The following YWHAZ variants were observed in gnomAD, a reference collection of about 807,000 sequenced individuals.
YWHAZ encodes the protein tyrosine 3-monooxygenase/tryptophan 5-monooxygenase activation protein zeta.
For synonymous variants in YWHAZ, 87 were observed against 103.6 expected (o/e 0.84, Z 0.97); for missense variants, 79 against 284.8 (o/e 0.28, Z 5.20).
At chr8:100,935,690 G>C (rs1814098104) in intron 2 of YWHAZ, among the ~76,000 whole-genome samples, 1 of 151,586 alleles carries the variant, frequency 6.6e-6, no homozygotes, top group South Asian at 2.1e-4. Context: ...AGAACTGGAA[G>C]AGAGTGTGAG....
At position 100,926,727 on chromosome 8, in the gene YWHAZ, C is replaced by T. The variant is rs1813391877; in HGVS notation, c.295-1688G>A. On this transcript the variant is annotated intron_variant, in intron 2 of 5. Transcript: ENST00000395958. ...CATTCATACTTTCATATTCAAAGTT[C>T]TCTTAGCTGCAAAAGTGTTTTGTCC... Among the ~76,000 whole-genome samples the T allele has an allele frequency of 2.0e-5, 3 of 152,234 alleles. No individual in the cohort carries two copies. In the South Asian group the frequency reaches 6.2e-4, roughly 32 times the overall value.
rs1445644898 is a variant in YWHAZ, at chr8:100,922,834, C to CA, written c.678+1120dup. On this transcript the variant is annotated intron_variant, in intron 5 of 5. Coordinates refer to ENST00000395958, the MANE Select transcript of YWHAZ (RefSeq NM_145690.3). The surrounding 1 kb of genome is among the most constrained non-coding windows in gnomAD (Gnocchi z 4.1). ...CAGGTCATCACTTTAAAAATGTCATCACTTCAAACTAGAAAAGAAAAATCC... is the reference window on the plus strand; with the variant it reads ...CAGGTCATCACTTTAAAAATGTCATCAACTTCAAACTAGAAAAGAAAAATCC... 2 of 152,174 alleles carry CA rather than the reference C, an allele frequency of 1.3e-5. No individual in the cohort carries two copies. Among genetic ancestry groups the CA allele is most frequent in the Non-Finnish European group, 2.9e-5 (2 of 68,032 alleles). 9.4% of individuals were successfully genotyped at this position (152,174 alleles called of 1,614,324 possible). A position where few individuals can be genotyped will look rare whatever the true frequency, so the allele number is the denominator to read the frequency against.
chr8:100,950,496 C>G (rs55685528), intron 1 of YWHAZ: 5 of 985,446 alleles, frequency 5.1e-6, no homozygotes, highest in African/African-American at 1.7e-5. Context: ...GCAACCACCC[C>G]CCTCCAGGCT....
chr8:100,918,408 TTATATA>T lies in YWHAZ; in HGVS notation c.*2279_*2284del, dbSNP rs71572094. 1,370 of 41,872 alleles carry T rather than the reference TTATATA, an allele frequency of 0.033. 99 individuals carry two copies. Among genetic ancestry groups the T allele is most frequent in the East Asian group, 0.047 (32 of 688 alleles). The allele number at this position is 41,872 out of a possible 1,614,324, so 2.6% of individuals were successfully genotyped here. Reference sequence around the variant, plus strand: ...AGTCTAGCTATAAAATATAATTACTTTATATATATATATATATATATATATATATAT... The same window carrying T: ...AGTCTAGCTATAAAATATAATTACTTTATATATATATATATATATATATAT... On this transcript the variant is annotated 3_prime_UTR_variant, in exon 6 of 6. Coordinates refer to ENST00000395958, the MANE Select transcript of YWHAZ (RefSeq NM_145690.3).
intron 1 of YWHAZ, among the ~76,000 whole-genome samples, chr8:100,950,128 G>A (rs1432804604): frequency 6.6e-6 from 1 of 152,120 alleles, no homozygotes; most frequent in African/African-American, 2.4e-5. Flanking sequence ...AACCACTTTG[G>A]ATGCAAGGTA....
intron 2 of YWHAZ, among the ~76,000 whole-genome samples, chr8:100,937,605 T>C (rs1313109446): frequency 6.6e-6 from 1 of 152,156 alleles, no homozygotes; most frequent in African/African-American, 2.4e-5. Flanking sequence ...TCACCAAATA[T>C]GTGAGTGGGA....
At chr8:100,934,245 ATCACTTGAGC>A (rs1813968829) in intron 2 of YWHAZ, among the ~76,000 whole-genome samples, 2 of 147,388 alleles carry the variant, frequency 1.4e-5, no homozygotes, top group South Asian at 4.4e-4. Flanking sequence ...AGATGGGAGG[ATCACTTGAGC>A]ACAGGATGTC....
intron 2 of YWHAZ, among the ~76,000 whole-genome samples, chr8:100,945,027 T>C (rs755174473): frequency 8.5e-5 from 13 of 152,218 alleles, no homozygotes; most frequent in Admixed American, 6.5e-5. Flanking sequence ...TTGGCTGCCA[T>C]CTTTCAGGTT....
chr8:100,929,193 A>G (rs1255529017), intron 2 of YWHAZ, among the ~76,000 whole-genome samples: 1 of 151,238 alleles, frequency 6.6e-6, no homozygotes, highest in Non-Finnish European at 1.5e-5. Context: ...CCATCACCTC[A>G]AACATTGATT....
intron 2 of YWHAZ, among the ~76,000 whole-genome samples, chr8:100,939,971 C>A (rs913403666): frequency 3.3e-5 from 5 of 149,698 alleles, no homozygotes; most frequent in African/African-American, 1.2e-4. Flanking sequence ...TGCAGTGAGC[C>A]GAGATCGCGC....
intron 2 of YWHAZ, among the ~76,000 whole-genome samples, chr8:100,939,300 T>C (rs1814438913): frequency 6.6e-6 from 1 of 152,096 alleles, no homozygotes; most frequent in Non-Finnish European, 1.5e-5. Flanking sequence ...TAAATCAGGT[T>C]CAGAGAATTG....
chr8:100,921,043 CT>C (rs201386826), intron 5 of YWHAZ, among the ~76,000 whole-genome samples: 12 of 151,338 alleles, frequency 7.9e-5, no homozygotes, highest in Admixed American at 2.0e-4. Flanking sequence ...AGAAATAATA[CT>C]TTTTTTTTGA....
At chr8:100,940,061 TCAAAA>T (rs1563683186) in intron 2 of YWHAZ, among the ~76,000 whole-genome samples, 1 of 35,996 alleles carries the variant, frequency 2.8e-5, no homozygotes, top group African/African-American at 7.9e-5. Context: ...AGACTCCGTC[TCAAAA>T]AAAAAAAAAA....
chr8:100,938,229 T>C (rs762798041), intron 2 of YWHAZ, among the ~76,000 whole-genome samples: 1 of 152,230 alleles, frequency 6.6e-6, no homozygotes, highest in African/African-American at 2.4e-5. Context: ...AGTATCTTGA[T>C]AGCAGATTAA....
rs1812804175 is a variant in YWHAZ at position 100,918,418 on chromosome 8, A to AT, written c.*2274dup. The AT allele has an allele frequency of 1.4e-5, 1 of 71,358 alleles. No homozygotes were observed. The highest frequency in any genetic ancestry group is 4.3e-4 in the East Asian group (1 of 2,338). The allele number at this position is 71,358 out of a possible 1,614,324, so 4.4% of individuals were successfully genotyped here. Reference sequence around the variant, plus strand: ...TAAAATATAATTACTTTATATATATATATATATATATATATATATATATAT... The same window carrying AT: ...TAAAATATAATTACTTTATATATATATTATATATATATATATATATATATAT... On this transcript the variant is annotated 3_prime_UTR_variant, in exon 6 of 6. Coordinates refer to ENST00000395958, the MANE Select transcript of YWHAZ (RefSeq NM_145690.3).
Position 100,919,714 on chromosome 8 carries a change from T to A in YWHAZ, c.*979A>T, listed in dbSNP as rs1812890009. 1 of 152,612 alleles carries A rather than the reference T, an allele frequency of 6.6e-6. No homozygotes were observed. Among genetic ancestry groups the A allele is most frequent in the Non-Finnish European group, 1.5e-5 (1 of 68,038 alleles). The allele number at this position is 152,612 out of a possible 1,614,324, so 9.5% of individuals were successfully genotyped here. A position where few individuals can be genotyped will look rare whatever the true frequency, so the allele number is the denominator to read the frequency against. On this transcript the variant is annotated 3_prime_UTR_variant, in exon 6 of 6. Coordinates refer to ENST00000395958, the MANE Select transcript of YWHAZ (RefSeq NM_145690.3). Reference sequence around the variant, plus strand: ...TAGTTGAAAAGTCCATTCATAAAACTTTTATTCCACTTACATGAATTTAAT... The same window carrying A: ...TAGTTGAAAAGTCCATTCATAAAACATTTATTCCACTTACATGAATTTAAT...
At chr8:100,931,899 G>C (rs1451725065) in intron 2 of YWHAZ, 1 of 151,946 alleles carries the variant, frequency 6.6e-6, no homozygotes, top group Non-Finnish European at 1.5e-5. Context: ...CAAAAACACA[G>C]GATTAAGACA....
upstream of YWHAZ, chr8:100,952,281 A>G (rs1810853621): frequency 2.3e-6 from 1 of 425,738 alleles, no homozygotes; most frequent in Non-Finnish European, 3.1e-6. Flanking sequence ...CTCGGCTTCC[A>G]GCTCCTCTAC....
chr8:100,946,890 A>C (rs1810322519), intron 2 of YWHAZ, among the ~76,000 whole-genome samples: 1 of 151,364 alleles, frequency 6.6e-6, no homozygotes, highest in African/African-American at 2.4e-5. Flanking sequence ...GTGAGCAAAA[A>C]AAAAAAACAA....
Sources: allele counts gnomAD v4.1 joint callset (sites outside exome capture counted in the v4.1 genomes callset), GRCh38; gene constraint gnomAD v4.1.1; non-coding constraint Gnocchi (gnomAD v3.1); transcripts MANE v1.5; gene names NCBI Gene and HGNC (gene_info 2026-07-23, HGNC 2026-07-21).